The following MED15 variants were observed in gnomAD, a reference collection of about 807,000 sequenced individuals.
The protein encoded by MED15 is mediator complex subunit 15.
A neutral mutation model predicts 118.7 loss-of-function variants in MED15; 41 were observed. That is an observed-to-expected ratio of 0.35 (90% CI 0.27 to 0.45). The LOEUF (loss-of-function observed/expected upper bound fraction) is 0.45. Among genes scored for constraint, MED15 ranks in the 20% least tolerant of loss-of-function variants. MED15 has a pLI of 1.00. For missense variants in MED15, 740 were observed against 1,025.5 expected, an observed-to-expected ratio of 0.72 and a Z score of 3.80; for synonymous variants, 436 against 413.9, an observed-to-expected ratio of 1.05 and a Z score of -0.65.
At chr22:20,511,536 A>G (rs992504383) in intron 1 of MED15, among the ~76,000 whole-genome samples, 1 of 151,972 alleles carries the variant, frequency 6.6e-6, no homozygotes, top group Non-Finnish European at 1.5e-5. Context: ...CAGAGAAGAA[A>G]ACATTTGATG....
intron 2 of MED15, among the ~76,000 whole-genome samples, chr22:20,549,739 C>T (rs578102783): frequency 1.8e-4 from 28 of 152,280 alleles, no homozygotes; most frequent in Admixed American, 5.2e-4. Context: ...CACTAAGCCT[C>T]CTCACGCTGG....
chr22:20,512,047 G>T, intron 1 of MED15, among the ~76,000 whole-genome samples: 1 of 143,298 alleles, frequency 7.0e-6, no homozygotes, highest in Non-Finnish European at 1.5e-5. Flanking sequence ...AGAGTGCAGT[G>T]GTACGATGAT....
At chr22:20,508,178 T>C (rs1394152052) in intron 1 of MED15, 9 of 1,215,544 alleles carry the variant, frequency 7.4e-6, no homozygotes, top group Non-Finnish European at 9.5e-6. Context: ...AGGGTGGATG[T>C]AAGATGAGAT....
chr22:20,518,862 T>C, intron 1 of MED15: 1 of 453,494 alleles, frequency 2.2e-6, no homozygotes, highest in Non-Finnish European at 4.4e-6. Flanking sequence ...CATTTATTTG[T>C]TTGTTTATTT....
chr22:20,557,527 C>T (rs1040977011), intron 5 of MED15, among the ~76,000 whole-genome samples: 11 of 152,134 alleles, frequency 7.2e-5, no homozygotes, highest in African/African-American at 1.4e-4. Flanking sequence ...ACAGAAGTGC[C>T]GGCTCAAGTT....
At chr22:20,560,485 G>A (rs756172451) in intron 5 of MED15, among the ~76,000 whole-genome samples, 2 of 152,102 alleles carry the variant, frequency 1.3e-5, no homozygotes, top group Non-Finnish European at 1.5e-5. Flanking sequence ...GGATGTTCTC[G>A]ATCTCCAGAC....
rs779205974 is a variant in MED15 at position 20,586,634 on chromosome 22, A to G, written c.2297A>G (p.Lys766Arg). 1.2e-6 allele frequency: 2 copies of G among 1,613,056 alleles called. No individual in the cohort carries two copies. Among genetic ancestry groups the G allele is most frequent in the East Asian group, 2.2e-5 (1 of 44,882 alleles). ...MTSRLLQLPD[K>R]HSVTALLNTW... ...TCCAGGCTGCTGCAGCTCCCGGACA[A>G]GCACTCGGTCACCGCCTTGCTCAAC... Residue 766 changes from lysine to arginine, a missense_variant, in exon 18 of 18, where the codon AAG becomes AGG. Physicochemically the swap from Lys to Arg is conservative, Grantham distance 26. Around this residue, in one of 7 missense-constraint regions of MED15, gnomAD observed 179 missense variants for 259.0 expected, o/e 0.69. Coordinates refer to ENST00000263205, the MANE Select transcript of MED15 (RefSeq NM_001003891.3).
chr22:20,513,766 T>C (rs2054159497), intron 1 of MED15, among the ~76,000 whole-genome samples: 1 of 152,180 alleles, frequency 6.6e-6, no homozygotes, highest in African/African-American at 2.4e-5. Flanking sequence ...TCTTGGAGAA[T>C]AAGGGTGATA....
At position 20,519,750 on chromosome 22, in the gene MED15, C is replaced by T. The variant is rs376007871; in HGVS notation, c.68+12004C>T. ...GATTACAGGCGTGAGCCATTGCATCCGGCCTGAGGTTTTTATTTTGAGAAT... is the reference window on the plus strand; with the variant it reads ...GATTACAGGCGTGAGCCATTGCATCTGGCCTGAGGTTTTTATTTTGAGAAT... On this transcript the variant is annotated intron_variant, in intron 1 of 17. Transcript: ENST00000263205. Among the ~76,000 whole-genome samples, 221 of 152,244 alleles carry T rather than the reference C, an allele frequency of 1.5e-3. 2 individuals carry two copies. The highest frequency in any genetic ancestry group is 5.1e-3 in the African/African-American group (211 of 41,542).
chr22:20,555,109 C>G lies in MED15; in HGVS notation c.412C>G (p.Pro138Ala). Residue 138 changes from proline to alanine, a missense_variant, in exon 5 of 18, where the codon CCT becomes GCT. By Grantham distance (27) the Pro-to-Ala change is conservative. This residue lies in a region of MED15 where 117 missense variants were observed against 124.6 expected (regional missense o/e 0.94). Coordinates refer to ENST00000263205, the MANE Select transcript of MED15 (RefSeq NM_001003891.3). Reference protein sequence around the residue: ...QPPPGTSGMAPHSMAVVSTAT... With the variant: ...QPPPGTSGMAAHSMAVVSTAT... Reference sequence around the variant, plus strand: ...GCCTCCTGGGACCTCGGGGATGGCCCCTCACAGCATGGCTGTCGTGTCTAC... The same window carrying G: ...GCCTCCTGGGACCTCGGGGATGGCCGCTCACAGCATGGCTGTCGTGTCTAC... 6.2e-7 allele frequency: 1 copy of G among 1,610,208 alleles called. No homozygotes were observed. Among genetic ancestry groups the G allele is most frequent in the East Asian group, 2.2e-5 (1 of 44,748 alleles).
At chr22:20,579,725 G>A (rs146393065) in intron 9 of MED15, among the ~76,000 whole-genome samples, 25 of 152,236 alleles carry the variant, frequency 1.6e-4, no homozygotes, top group African/African-American at 6.0e-4. Context: ...TGCTGGGGTG[G>A]TGGTGTTGCT....
At chr22:20,520,655 G>T (rs955485074) in intron 1 of MED15, among the ~76,000 whole-genome samples, 1 of 152,076 alleles carries the variant, frequency 6.6e-6, no homozygotes, top group Non-Finnish European at 1.5e-5. Context: ...CCCCAGATCT[G>T]CACCCAGCCA....
intron 2 of MED15, among the ~76,000 whole-genome samples, chr22:20,540,167 G>C (rs931346675): frequency 6.6e-6 from 1 of 152,078 alleles, no homozygotes; most frequent in African/African-American, 2.4e-5. Context: ...TTTACCCAAG[G>C]GGGGCTGTGG....
At chr22:20,529,030 A>T (rs2054758141) in intron 1 of MED15, among the ~76,000 whole-genome samples, 1 of 151,688 alleles carries the variant, frequency 6.6e-6, no homozygotes, top group South Asian at 2.1e-4. Flanking sequence ...GGGTGGGCGC[A>T]CCCCCTCCTC....
chr22:20,568,607 C>A lies in MED15; in HGVS notation c.1128C>A (p.Ala376=). 6.2e-7 allele frequency: 1 copy of A among 1,613,590 alleles called. No individual in the cohort carries two copies. Among genetic ancestry groups the A allele is most frequent in the South Asian group, 1.1e-5 (1 of 91,040 alleles). Residue 376 remains alanine, a synonymous_variant, in exon 8 of 18, where the codon GCC becomes GCA. Transcript: ENST00000263205. ...CAGCAGTACAGACAGCTCAGGCTGC[C>A]CAGATGGTGGCTCCCGGAGTCCAGG... ...QQTAVQTAQA[A]QMVAPGVQMI...
intron 1 of MED15, among the ~76,000 whole-genome samples, chr22:20,530,544 A>C (rs898691116): frequency 6.6e-6 from 1 of 151,132 alleles, no homozygotes; most frequent in Non-Finnish European, 1.5e-5. Context: ...ATGGGAAAGC[A>C]GTTGGACCAG....
At chr22:20,565,282 CAA>C (rs997097008) in intron 6 of MED15, among the ~76,000 whole-genome samples, 1 of 152,142 alleles carries the variant, frequency 6.6e-6, no homozygotes, top group Non-Finnish European at 1.5e-5. Context: ...GGGATTCAAA[CAA>C]GAGTGAGCTG....
At chr22:20,565,647 C>T (rs1329800543) in intron 6 of MED15, among the ~76,000 whole-genome samples, 1 of 152,220 alleles carries the variant, frequency 6.6e-6, no homozygotes, top group Non-Finnish European at 1.5e-5. Context: ...ACCCCTCTCC[C>T]AGAGCTGACA....
intron 1 of MED15, among the ~76,000 whole-genome samples, chr22:20,527,171 C>T (rs1031882632): frequency 6.6e-6 from 1 of 152,136 alleles, no homozygotes; most frequent in African/African-American, 2.4e-5. Context: ...TCAGGGGAAT[C>T]TCACTCCCTA....
Sources: allele counts gnomAD v4.1 joint callset (sites outside exome capture counted in the v4.1 genomes callset), GRCh38; gene constraint gnomAD v4.1.1; regional missense constraint gnomAD v4.1.1; transcripts MANE v1.5; gene names NCBI Gene and HGNC (gene_info 2026-07-23, HGNC 2026-07-21).